Variants in POU2AF1 observed in about 807,000 individuals in gnomAD.
POU2AF1 encodes the protein POU domain class 2-associating factor 1.
POU2AF1 carries 12 observed loss-of-function variants against 26.3 expected under a neutral mutation model. That is an observed-to-expected ratio of 0.46 (90% CI 0.29 to 0.74). The LOEUF (loss-of-function observed/expected upper bound fraction) is 0.74, where lower values mean the gene tolerates loss of function less well. Ranked by LOEUF, POU2AF1 falls within the 30% of genes least tolerant of loss-of-function variation. The probability of loss-of-function intolerance (pLI) is 0.09; values close to 1 mark genes in which losing one functional copy is unlikely to be tolerated. For missense variants in POU2AF1, 297 were observed against 334.5 expected (o/e 0.89, Z 0.87); for synonymous variants, 175 against 148.0 (o/e 1.18, Z -1.32).
chr11:111,361,535 C>T (rs923365404), intron 1 of POU2AF1, among the ~76,000 whole-genome samples: 3 of 152,230 alleles, frequency 2.0e-5, no homozygotes, highest in Admixed American at 6.5e-5. Context: ...TGGGGAGCTC[C>T]AAAGGCCATG....
intron 1 of POU2AF1, chr11:111,363,501 A>G: frequency 1.0e-6 from 1 of 1,003,420 alleles, no homozygotes; most frequent in Non-Finnish European, 1.2e-6. Flanking sequence ...TGCCACCAGC[A>G]TGAGAACTGA....
intron 1 of POU2AF1, among the ~76,000 whole-genome samples, chr11:111,367,339 C>T (rs1838562055): frequency 6.6e-6 from 1 of 152,176 alleles, no homozygotes; most frequent in South Asian, 2.1e-4. Flanking sequence ...TCTGAAATCA[C>T]CACACTCCTA....
intron 1 of POU2AF1, among the ~76,000 whole-genome samples, chr11:111,360,206 G>C (rs552019791): frequency 1.3e-5 from 2 of 152,160 alleles, no homozygotes; most frequent in African/African-American, 4.8e-5. Flanking sequence ...AGCAGGCCTG[G>C]GTCAGCCAAG....
chr11:111,357,886 C>A lies in POU2AF1; in HGVS notation c.148-49G>T, dbSNP rs374789592. ...GGGTCAATGTTTAGCCCTCGTCAAC[C>A]GGCCCTGTGCAGAGAACTTGCCCAG... On this transcript the variant is annotated intron_variant, in intron 2 of 4. Coordinates refer to ENST00000393067, the MANE Select transcript of POU2AF1 (RefSeq NM_006235.3). 3.9e-6 allele frequency: 6 copies of A among 1,533,268 alleles called. No homozygotes were observed. In the East Asian group the frequency reaches 1.4e-4, roughly 35 times the overall value. The allele number at this position is 1,533,268 out of a possible 1,614,324, so 95.0% of individuals were successfully genotyped here.
At chr11:111,359,959 C>A (rs755581871) in intron 1 of POU2AF1, 3 of 519,012 alleles carry the variant, frequency 5.8e-6, no homozygotes, top group South Asian at 2.8e-5. Context: ...GGGCATGGGA[C>A]AATTACCCAA....
rs895319957 is a variant in POU2AF1 at position 111,376,483 on chromosome 11, T to C, written c.16+2679A>G. Among the ~76,000 whole-genome samples the C allele has an allele frequency of 4.6e-5, 7 of 152,220 alleles. No individual in the cohort carries two copies. In the East Asian group the frequency reaches 1.4e-3, roughly 29 times the overall value. On this transcript the variant is annotated intron_variant, in intron 1 of 4. Transcript: ENST00000393067. The stretch of plus-strand genomic sequence containing the variant: ...GCCCATCAAGCAAATCTCAAATCCA[T>C]TGGTTGGGGCTTGAAGATTTCTACT...
intron 1 of POU2AF1, among the ~76,000 whole-genome samples, chr11:111,372,029 T>TACACACAC (rs374971894): frequency 1.3e-3 from 160 of 121,142 alleles, no homozygotes; most frequent in Middle Eastern, 8.8e-3. Context: ...CACACACAAA[T>TACACACAC]ACACACACAC....
rs2135099809 is a variant in POU2AF1 at position 111,352,950 on chromosome 11, A to G, written c.*1311T>C. 5.7e-6 allele frequency: 1 copy of G among 175,632 alleles called. No homozygotes were observed. The highest frequency in any genetic ancestry group is 6.6e-5 in the Admixed American group (1 of 15,212). 10.9% of individuals were successfully genotyped at this position (175,632 alleles called of 1,614,324 possible). A position where few individuals can be genotyped will look rare whatever the true frequency, so the allele number is the denominator to read the frequency against. On this transcript the variant is annotated 3_prime_UTR_variant, in exon 5 of 5. Transcript: ENST00000393067. The stretch of plus-strand genomic sequence containing the variant: ...TCCGTCCCAAAAAAAACCAAAAAAA[A>G]GAAAGAAAGAGAGAGGAAGGAAGGA...
At chr11:111,361,326 G>A (rs117091772) in intron 1 of POU2AF1, among the ~76,000 whole-genome samples, 4,788 of 152,278 alleles carry the variant, frequency 0.031, 209 homozygotes, top group Admixed American at 0.13. Context: ...CCACCTGTGC[G>A]CCTCCACCTT....
At chr11:111,371,836 G>A (rs1861214502) in intron 1 of POU2AF1, among the ~76,000 whole-genome samples, 1 of 152,142 alleles carries the variant, frequency 6.6e-6, no homozygotes, top group Admixed American at 6.5e-5. Flanking sequence ...GTGGCAGAAG[G>A]AGGAAAAAGG....
rs1187898404 is a variant in POU2AF1 at position 111,357,425 on chromosome 11, C to T, written c.456+20G>A. 3.1e-6 allele frequency: 5 copies of T among 1,614,002 alleles called. No homozygotes were observed. Among genetic ancestry groups the T allele is most frequent in the Non-Finnish European group, 4.2e-6 (5 of 1,179,998 alleles). On this transcript the variant is annotated intron_variant, in intron 4 of 4. Coordinates refer to ENST00000393067, the MANE Select transcript of POU2AF1 (RefSeq NM_006235.3). ...TGCACTCAGCATGGGCGGGTGCAGT[C>T]CTGCCTTTGTGTGACATACCGTGAC...
intron 1 of POU2AF1, among the ~76,000 whole-genome samples, chr11:111,367,158 A>G (rs4408345): frequency 0.64 from 96,897 of 151,776 alleles, 31,879 homozygotes; most frequent in Admixed American, 0.77. Flanking sequence ...TTTCCCCGGC[A>G]CTCTCCGCAC....
chr11:111,377,047 C>T (rs556662669), intron 1 of POU2AF1, among the ~76,000 whole-genome samples: 1 of 152,168 alleles, frequency 6.6e-6, no homozygotes, highest in Non-Finnish European at 1.5e-5. Context: ...TCTGACTGGT[C>T]TCCAGGGTGT....
chr11:111,372,515 G>A (rs530490196), intron 1 of POU2AF1, among the ~76,000 whole-genome samples: 2 of 152,290 alleles, frequency 1.3e-5, no homozygotes, highest in Middle Eastern at 3.4e-3. Flanking sequence ...CAGGGAGACA[G>A]GACAGCTTAG....
chr11:111,358,400 A>ACTCT (rs1565360718), intron 2 of POU2AF1, among the ~76,000 whole-genome samples: 2 of 89,316 alleles, frequency 2.2e-5, no homozygotes, highest in Non-Finnish European at 2.7e-5. Flanking sequence ...TCCCTCACAC[A>ACTCT]CATACTCTCT....
In POU2AF1 at chr11:111,378,916, C is replaced by T. The variant is rs577078294; in HGVS notation, c.16+246G>A. ...GAAGCGGAGGTACCCTGAGCCGTCC[C>T]ACCTTGGAACACTAGTTCGTTCCCC... On this transcript the variant is annotated intron_variant, in intron 1 of 4. Transcript: ENST00000393067. 1.2e-4 allele frequency among the ~76,000 whole-genome samples: 18 copies of T among 152,308 alleles called. No individual in the cohort carries two copies. The South Asian group carries it at 3.5e-3, about 30-fold the overall frequency.
At chr11:111,360,157 C>T (rs917293920) in intron 1 of POU2AF1, among the ~76,000 whole-genome samples, 65 of 152,180 alleles carry the variant, frequency 4.3e-4, no homozygotes, top group African/African-American at 1.5e-3. Flanking sequence ...AGCTGCCCAC[C>T]TAGACAGCCT....
intron 1 of POU2AF1, among the ~76,000 whole-genome samples, chr11:111,374,649 T>C (rs1023965989): frequency 3.9e-5 from 6 of 152,192 alleles, no homozygotes; most frequent in Non-Finnish European, 8.8e-5. Context: ...GAGCTGATCT[T>C]GCACCACTAC....
At chr11:111,378,533 A>G (rs1659634321) in intron 1 of POU2AF1, among the ~76,000 whole-genome samples, 1 of 152,190 alleles carries the variant, frequency 6.6e-6, no homozygotes, top group South Asian at 2.1e-4. Context: ...ATCAAGGCCA[A>G]AGATAAACCC....
Sources: allele counts gnomAD v4.1 joint callset (sites outside exome capture counted in the v4.1 genomes callset), GRCh38; gene constraint gnomAD v4.1.1; transcripts MANE v1.5; gene names NCBI Gene and HGNC (gene_info 2026-07-23, HGNC 2026-07-21).